The following LHFPL3 variants were observed in gnomAD, a reference collection of about 807,000 sequenced individuals.
LHFPL3 encodes LHFPL tetraspan subfamily member 3.
LHFPL3 carries 5 observed loss-of-function variants against 19.3 expected under a neutral mutation model. The ratio of observed to expected loss-of-function variants is 0.26; its 90% confidence interval spans 0.14 to 0.54. The LOEUF is 0.54. Ranked by LOEUF, LHFPL3 falls within the 20% of genes least tolerant of loss-of-function variation. The pLI, the probability that LHFPL3 is intolerant of heterozygous loss-of-function variation, is 0.94. For synonymous variants in LHFPL3, 133 were observed against 126.2 expected (o/e 1.05, Z -0.36); for missense variants, 249 against 307.4 (o/e 0.81, Z 1.42).
At chr7:104,554,070 A>G (rs1408759974) in intron 1 of LHFPL3, among the ~76,000 whole-genome samples, 1 of 152,082 alleles carries the variant, frequency 6.6e-6, no homozygotes, top group East Asian at 1.9e-4. Flanking sequence ...AGAACTTCCG[A>G]TCTTTTGTAC....
At chr7:104,612,208 T>C (rs1322824684) in intron 1 of LHFPL3, among the ~76,000 whole-genome samples, 1 of 152,238 alleles carries the variant, frequency 6.6e-6, no homozygotes, top group Admixed American at 6.5e-5. Context: ...TCCCAGCTCC[T>C]CTGCCTATTA....
intron 1 of LHFPL3, among the ~76,000 whole-genome samples, chr7:104,460,178 T>G (rs1792629427): frequency 6.6e-6 from 1 of 152,192 alleles, no homozygotes; most frequent in Admixed American, 6.5e-5. Context: ...GAAGACATTA[T>G]CTCATTCTTT....
chr7:104,688,791 G>T (rs1369152260), intron 1 of LHFPL3, among the ~76,000 whole-genome samples: 1 of 152,178 alleles, frequency 6.6e-6, no homozygotes, highest in Non-Finnish European at 1.5e-5. Context: ...CCCACAGGAA[G>T]TTGTGCTACA....
chr7:104,629,657 A>T (rs952663655), intron 1 of LHFPL3, among the ~76,000 whole-genome samples: 2 of 152,176 alleles, frequency 1.3e-5, no homozygotes, highest in African/African-American at 4.8e-5. Flanking sequence ...CTCACTGCTC[A>T]TGATGCAGAC....
chr7:104,424,508 A>C (rs1360284994), intron 1 of LHFPL3, among the ~76,000 whole-genome samples: 1 of 152,258 alleles, frequency 6.6e-6, no homozygotes. Context: ...AATGCAGACT[A>C]TCTGAATAAA....
chr7:104,800,235 C>T (rs974294782), intron 2 of LHFPL3, among the ~76,000 whole-genome samples: 5 of 152,150 alleles, frequency 3.3e-5, no homozygotes, highest in African/African-American at 4.8e-5. Flanking sequence ...CTTATTTGAA[C>T]GGCAAGATGA....
chr7:104,668,656 A>T, intron 1 of LHFPL3: 2 of 1,610,986 alleles, frequency 1.2e-6, no homozygotes, highest in African/African-American at 1.4e-5. Context: ...AGACGGGATG[A>T]TCGGTCGTGG....
chr7:104,824,573 TTTATATATAATATATATAATTATATA>T (rs1790773796), intron 2 of LHFPL3, among the ~76,000 whole-genome samples: 1 of 74,296 alleles, frequency 1.3e-5, no homozygotes, highest in African/African-American at 5.9e-5. Flanking sequence ...TATATATTAT[TTTATATATAATATATATAATTATATA>T]TTATATATAA....
At chr7:104,818,388 A>G (rs1240464565) in intron 2 of LHFPL3, among the ~76,000 whole-genome samples, 1 of 82,954 alleles carries the variant, frequency 1.2e-5, no homozygotes, top group Non-Finnish European at 2.7e-5. Context: ...TTCTCTCATT[A>G]AAAAAAAAAA....
intron 2 of LHFPL3, among the ~76,000 whole-genome samples, chr7:104,800,558 C>T (rs1453582960): frequency 6.6e-6 from 1 of 152,304 alleles, no homozygotes; most frequent in East Asian, 1.9e-4. Flanking sequence ...CCTCTTTCTC[C>T]CAACTGTCAA....
At chr7:104,746,941 A>G (rs986807942) in intron 2 of LHFPL3, among the ~76,000 whole-genome samples, 2 of 152,178 alleles carry the variant, frequency 1.3e-5, no homozygotes, top group African/African-American at 2.4e-5. Context: ...TGAATCATCA[A>G]GGAGGCCTCA....
chr7:104,733,622 A>G (rs998768448), intron 1 of LHFPL3, among the ~76,000 whole-genome samples: 9 of 152,300 alleles, frequency 5.9e-5, no homozygotes, highest in African/African-American at 2.2e-4. Flanking sequence ...GTGTCTCTGC[A>G]CATGAGATGG....
At chr7:104,742,689 C>T (rs1163758566) in intron 2 of LHFPL3, among the ~76,000 whole-genome samples, 1 of 152,136 alleles carries the variant, frequency 6.6e-6, no homozygotes, top group African/African-American at 2.4e-5. Context: ...CAAATGTCAT[C>T]TGAGGGTCTT....
chr7:104,783,796 T>C (rs2116429311), intron 2 of LHFPL3, among the ~76,000 whole-genome samples: 1 of 152,354 alleles, frequency 6.6e-6, no homozygotes. Flanking sequence ...CCTCCATTGC[T>C]TGTATTTTAG....
At chr7:104,890,420 C>T (rs1792223001) in intron 2 of LHFPL3, among the ~76,000 whole-genome samples, 1 of 152,208 alleles carries the variant, frequency 6.6e-6, no homozygotes, top group South Asian at 2.1e-4. Flanking sequence ...CATTACAACG[C>T]CCCGTGGAGC....
chr7:104,900,095 C>A (rs1792453516), intron 2 of LHFPL3, among the ~76,000 whole-genome samples: 1 of 152,156 alleles, frequency 6.6e-6, no homozygotes, highest in East Asian at 1.9e-4. Context: ...TGTCACCCTG[C>A]CATGGACCTG....
At position 104,553,458 on chromosome 7, in the gene LHFPL3, T is replaced by G. The variant is rs77912234; in HGVS notation, c.446-183217T>G. Among the ~76,000 whole-genome samples the G allele has an allele frequency of 7.7e-3, 1,172 of 152,274 alleles. 12 individuals are homozygous for G. The highest frequency in any genetic ancestry group is 0.027 in the African/African-American group (1,111 of 41,554). On this transcript the variant is annotated intron_variant, in intron 1 of 2. Coordinates refer to ENST00000424859, the MANE Select transcript of LHFPL3 (RefSeq NM_199000.3). ...TGTTGCCTAACATGGGAGGAGGGAA[T>G]GACTTGAACCACTTGCCACCTTTGT...
chr7:104,518,828 T>TAGAC (rs1248652172), intron 1 of LHFPL3, among the ~76,000 whole-genome samples: 24 of 151,048 alleles, frequency 1.6e-4, no homozygotes, highest in African/African-American at 5.7e-4. Flanking sequence ...GATAGATAGA[T>TAGAC]AGATAGATAG....
intron 1 of LHFPL3, among the ~76,000 whole-genome samples, chr7:104,460,063 T>C (rs1057482446): frequency 1.3e-5 from 2 of 152,142 alleles, no homozygotes; most frequent in Non-Finnish European, 2.9e-5. Context: ...TTTGTGCCCA[T>C]TGGGTCTCAT....
Sources: allele counts gnomAD v4.1 joint callset (sites outside exome capture counted in the v4.1 genomes callset), GRCh38; gene constraint gnomAD v4.1.1; transcripts MANE v1.5; gene names NCBI Gene and HGNC (gene_info 2026-07-23, HGNC 2026-07-21).